Variants in RPH3A observed in about 807,000 individuals in gnomAD.
RPH3A encodes the protein rabphilin-3A.
In RPH3A, 48 loss-of-function variants were observed where a neutral mutation model predicts 102.2. The observed-to-expected ratio is 0.47, with a 90% CI of 0.37 to 0.60. The LOEUF is 0.60. Among genes scored for constraint, RPH3A ranks in the 20% least tolerant of loss-of-function variants. The pLI is 0.00. For missense variants in RPH3A, 781 were observed against 910.1 expected (o/e 0.86, Z 1.83); for synonymous variants, 310 against 324.3 (o/e 0.96, Z 0.47).
chr12:112,600,461 T>C (rs1387533233), intron 1 of RPH3A, among the ~76,000 whole-genome samples: 2 of 152,230 alleles, frequency 1.3e-5, no homozygotes, highest in Non-Finnish European at 2.9e-5. Flanking sequence ...AGTTCCATCC[T>C]ACTCTGGTCT....
At chr12:112,676,494 G>A (rs2040175420) in intron 1 of RPH3A, among the ~76,000 whole-genome samples, 1 of 152,224 alleles carries the variant, frequency 6.6e-6, no homozygotes, top group Non-Finnish European at 1.5e-5. Context: ...CAATCTTGGT[G>A]TGACTTTACT....
At chr12:112,776,595 C>G (rs541070719) in intron 1 of RPH3A, among the ~76,000 whole-genome samples, 2 of 152,200 alleles carry the variant, frequency 1.3e-5, no homozygotes, top group Admixed American at 6.5e-5. Context: ...GCAAAGCCGG[C>G]TGGGCACAAT....
At chr12:112,858,725 A>G (rs2136207916) in intron 5 of RPH3A, among the ~76,000 whole-genome samples, 1 of 152,322 alleles carries the variant, frequency 6.6e-6, no homozygotes, top group East Asian at 1.9e-4. Context: ...GGTACTCTAT[A>G]CATGTTTGTC....
At chr12:112,744,622 G>A (rs552140709) in intron 1 of RPH3A, among the ~76,000 whole-genome samples, 1 of 152,166 alleles carries the variant, frequency 6.6e-6, no homozygotes, top group South Asian at 2.1e-4. Context: ...CCTTGCAGGG[G>A]GTCATCTCAT....
intron 1 of RPH3A, among the ~76,000 whole-genome samples, chr12:112,720,693 T>C (rs1210083217): frequency 6.6e-6 from 1 of 152,208 alleles, no homozygotes; most frequent in African/African-American, 2.4e-5. Context: ...GTTCTTTTCT[T>C]GGTACTGGCA....
intron 5 of RPH3A, among the ~76,000 whole-genome samples, chr12:112,849,672 AC>A (rs2042290749): frequency 6.6e-6 from 1 of 152,168 alleles, no homozygotes; most frequent in African/African-American, 2.4e-5. Flanking sequence ...GGTTTTGTTC[AC>A]TGCCATATTC....
chr12:112,811,977 C>T (rs1435632443), intron 2 of RPH3A, among the ~76,000 whole-genome samples: 1 of 151,940 alleles, frequency 6.6e-6, no homozygotes, highest in East Asian at 1.9e-4. Flanking sequence ...GGTTGGCCTC[C>T]CTTTCAGGCA....
chr12:112,872,114 C>T (rs748790936), intron 10 of RPH3A, among the ~76,000 whole-genome samples: 1 of 152,160 alleles, frequency 6.6e-6, no homozygotes, highest in African/African-American at 2.4e-5. Context: ...TGAGGAACCA[C>T]CATTCCGTTT....
chr12:112,870,433 T>A (rs979547536), intron 10 of RPH3A, among the ~76,000 whole-genome samples: 6 of 151,912 alleles, frequency 3.9e-5, no homozygotes, highest in African/African-American at 1.5e-4. Context: ...TGTCTGGGCA[T>A]ATGGCATAGG....
chr12:112,807,435 G>A (rs1409624685), intron 2 of RPH3A, among the ~76,000 whole-genome samples: 1 of 152,138 alleles, frequency 6.6e-6, no homozygotes, highest in Non-Finnish European at 1.5e-5. Flanking sequence ...TTCCTGAGAA[G>A]CAAGGGGCTC....
At chr12:112,608,407 C>T (rs999420542) in intron 1 of RPH3A, among the ~76,000 whole-genome samples, 4 of 152,232 alleles carry the variant, frequency 2.6e-5, no homozygotes, top group South Asian at 2.1e-4. Context: ...TGAGCTATCC[C>T]GCCTGGCTGA....
At chr12:112,622,018 TAAC>T (rs2039733724) in intron 1 of RPH3A, among the ~76,000 whole-genome samples, 1 of 150,462 alleles carries the variant, frequency 6.6e-6, no homozygotes, top group African/African-American at 2.5e-5. Context: ...GAAGGAAAAA[TAAC>T]AAACAGAAAG....
At chr12:112,610,923 C>A (rs934980136) in intron 1 of RPH3A, among the ~76,000 whole-genome samples, 12 of 152,110 alleles carry the variant, frequency 7.9e-5, no homozygotes, top group Non-Finnish European at 7.4e-5. Flanking sequence ...GGTGTGAGCC[C>A]CCGCACCCAC....
rs1030032722 is a variant in RPH3A, at chr12:112,881,824, A to G, written c.1304A>G (p.His435Arg). 6.2e-7 allele frequency: 1 copy of G among 1,611,592 alleles called. No homozygotes were observed. The highest frequency in any genetic ancestry group is 8.5e-7 in the Non-Finnish European group (1 of 1,178,662). ...TTGGCTGATCCCTACGTTAAGCTGC[A>G]CCTCCTGCCGGGAGCCAGCAAGGTA... Reference protein sequence around the residue: ...NGLADPYVKLHLLPGASKSNK... With the variant: ...NGLADPYVKLRLLPGASKSNK... The change falls in exon 15 of 22, where the codon CAC becomes CGC. Residue 435 changes from histidine (H) to arginine (R), a missense_variant. By Grantham distance (29) the His-to-Arg change is conservative. Around this residue, in one of 2 missense-constraint regions of RPH3A, gnomAD observed 730 missense variants for 810.0 expected, o/e 0.90. Coordinates refer to ENST00000389385, the MANE Select transcript of RPH3A (RefSeq NM_001143854.2).
chr12:112,817,552 G>A (rs1225383452), intron 2 of RPH3A, among the ~76,000 whole-genome samples: 1 of 150,836 alleles, frequency 6.6e-6, no homozygotes, highest in Non-Finnish European at 1.5e-5. Context: ...GCACACGTGT[G>A]TGTGTGTGTG....
chr12:112,598,349 G>A (rs1046031737), intron 1 of RPH3A, among the ~76,000 whole-genome samples: 11 of 152,198 alleles, frequency 7.2e-5, no homozygotes, highest in African/African-American at 2.4e-4. Flanking sequence ...GCAAAGAAAG[G>A]TGTTAGGGAC....
At chr12:112,739,949 C>G (rs992504372) in intron 1 of RPH3A, among the ~76,000 whole-genome samples, 5 of 152,132 alleles carry the variant, frequency 3.3e-5, no homozygotes, top group Non-Finnish European at 7.4e-5. Flanking sequence ...TTCATCCCCC[C>G]CCAGCCTTGG....
At chr12:112,808,999 G>C (rs778357314) in intron 2 of RPH3A, among the ~76,000 whole-genome samples, 1 of 152,156 alleles carries the variant, frequency 6.6e-6, no homozygotes, top group Non-Finnish European at 1.5e-5. Context: ...AGTTGGTTTG[G>C]ATGGGGTCCT....
At chr12:112,593,233 T>C (rs1028222667) in intron 1 of RPH3A, among the ~76,000 whole-genome samples, 1 of 152,310 alleles carries the variant, frequency 6.6e-6, no homozygotes, top group South Asian at 2.1e-4. Flanking sequence ...CGGAACCCAA[T>C]CTGCTGGTAC....
Sources: allele counts gnomAD v4.1 joint callset (sites outside exome capture counted in the v4.1 genomes callset), GRCh38; gene constraint gnomAD v4.1.1; regional missense constraint gnomAD v4.1.1; transcripts MANE v1.5; gene names NCBI Gene and HGNC (gene_info 2026-07-23, HGNC 2026-07-21).